Variants in RBMS1 observed in about 807,000 individuals in gnomAD.
RBMS1 encodes RNA binding motif single stranded interacting protein 1.
A neutral mutation model predicts 62.3 loss-of-function variants in RBMS1; 17 were observed. The observed-to-expected ratio is 0.27, with a 90% confidence interval of 0.19 to 0.41. RBMS1 has a LOEUF of 0.41. Among genes scored for constraint, RBMS1 ranks in the 10% least tolerant of loss-of-function variants. The probability of loss-of-function intolerance (pLI) is 1.00; values close to 1 mark genes in which losing one functional copy is unlikely to be tolerated. For synonymous variants in RBMS1, 172 were observed against 170.0 expected (o/e 1.01, Z -0.09); for missense variants, 334 against 504.5 (o/e 0.66, Z 3.24).
chr2:160,350,742 C>G (rs982214949), intron 2 of RBMS1, among the ~76,000 whole-genome samples: 1 of 152,134 alleles, frequency 6.6e-6, no homozygotes, highest in African/African-American at 2.4e-5. Flanking sequence ...TTTTCTTAAT[C>G]CAGTCTATCA....
At chr2:160,395,171 T>G (rs1014503941) in intron 1 of RBMS1, among the ~76,000 whole-genome samples, 5 of 152,226 alleles carry the variant, frequency 3.3e-5, no homozygotes, top group Non-Finnish European at 7.3e-5. Context: ...ACACTTTTAC[T>G]CTCCTGGACA....
chr2:160,469,794 G>A (rs1277063763), intron 1 of RBMS1, among the ~76,000 whole-genome samples: 1 of 152,148 alleles, frequency 6.6e-6, no homozygotes, highest in East Asian at 1.9e-4. Flanking sequence ...GTTGGAAAGA[G>A]GTTAACAGAT....
rs925937562 is a variant in RBMS1 at position 160,493,542 on chromosome 2, T to TTCCTCCTCCTCC, written c.-191_-180dup. ...AGACGTCCTCCTCCTCCTCCTCCTC[T>TTCCTCCTCCTCC]TCCTCCTCCTCCTCCTCCTCCTCCT... On this transcript the variant is annotated 5_prime_UTR_variant, in exon 1 of 14. Coordinates refer to ENST00000348849, the MANE Select transcript of RBMS1 (RefSeq NM_016836.4). The TTCCTCCTCCTCC allele has an allele frequency of 1.3e-4, 64 of 494,918 alleles. No homozygotes were observed. Among genetic ancestry groups the TTCCTCCTCCTCC allele is most frequent in the Middle Eastern group, 5.4e-4 (1 of 1,836 alleles). 30.7% of individuals were successfully genotyped at this position (494,918 alleles called of 1,614,324 possible). A position where few individuals can be genotyped will look rare whatever the true frequency, so the allele number is the denominator to read the frequency against.
chr2:160,458,566 G>C (rs367574030), intron 1 of RBMS1, among the ~76,000 whole-genome samples: 1 of 152,186 alleles, frequency 6.6e-6, no homozygotes, highest in Non-Finnish European at 1.5e-5. Context: ...GGAGGCCAAG[G>C]CGGGTGGATC....
intron 1 of RBMS1, among the ~76,000 whole-genome samples, chr2:160,449,355 T>C (rs1272523136): frequency 6.6e-6 from 1 of 152,238 alleles, no homozygotes; most frequent in Non-Finnish European, 1.5e-5. Context: ...GAATGGGCCA[T>C]GATGACGATG....
chr2:160,477,652 G>T (rs1685199382), intron 1 of RBMS1, among the ~76,000 whole-genome samples: 1 of 152,068 alleles, frequency 6.6e-6, no homozygotes, highest in African/African-American at 2.4e-5. Flanking sequence ...AAAGTTTGAT[G>T]AAAGGTACTA....
chr2:160,296,323 T>C (rs1351001995), intron 6 of RBMS1, among the ~76,000 whole-genome samples: 1 of 152,250 alleles, frequency 6.6e-6, no homozygotes, highest in Non-Finnish European at 1.5e-5. Context: ...AATTTGTGTA[T>C]GTAAGCAGTT....
chr2:160,485,378 C>T (rs889611528), intron 1 of RBMS1, among the ~76,000 whole-genome samples: 1 of 152,134 alleles, frequency 6.6e-6, no homozygotes, highest in Non-Finnish European at 1.5e-5. Context: ...AAGACGAGTT[C>T]CTGGAAATCT....
At chr2:160,308,260 T>C (rs1034586315) in intron 4 of RBMS1, among the ~76,000 whole-genome samples, 16 of 152,094 alleles carry the variant, frequency 1.1e-4, no homozygotes, top group African/African-American at 3.9e-4. Flanking sequence ...CCAGGTGTGG[T>C]AGTGCGTGCC....
chr2:160,481,211 C>T (rs1685355819), intron 1 of RBMS1, among the ~76,000 whole-genome samples: 1 of 151,356 alleles, frequency 6.6e-6, no homozygotes, highest in Non-Finnish European at 1.5e-5. Context: ...GGATCATTAA[C>T]AGCCATACTG....
At chr2:160,296,916 CTGAG>C (rs1172992470) in intron 6 of RBMS1, among the ~76,000 whole-genome samples, 1 of 152,144 alleles carries the variant, frequency 6.6e-6, no homozygotes, top group Non-Finnish European at 1.5e-5. Context: ...CTCTCCCAGC[CTGAG>C]TATTTGGGAT....
chr2:160,385,768 T>C (rs935135568), intron 1 of RBMS1, among the ~76,000 whole-genome samples: 10 of 152,158 alleles, frequency 6.6e-5, no homozygotes, highest in Admixed American at 6.5e-5. Flanking sequence ...CAAAAGATCA[T>C]CCCATCTACA....
At chr2:160,385,705 G>A (rs1694534267) in intron 1 of RBMS1, among the ~76,000 whole-genome samples, 1 of 152,210 alleles carries the variant, frequency 6.6e-6, no homozygotes, top group African/African-American at 2.4e-5. Context: ...CACGTGTTCT[G>A]TTCGGGGTGC....
rs578151815 is a variant in RBMS1, at chr2:160,289,900, T to C, written c.641-2816A>G. ...CCTAGGAAAGCAAATTACATCAAGA[T>C]TTAAGAAATTTTTAGGTATTTTAGG... On this transcript the variant is annotated intron_variant, in intron 6 of 13. Coordinates refer to ENST00000348849, the MANE Select transcript of RBMS1 (RefSeq NM_016836.4). Among the ~76,000 whole-genome samples, 23 of 151,270 alleles carry C rather than the reference T, an allele frequency of 1.5e-4. 1 individual carries two copies. The South Asian group carries it at 5.0e-3, about 33-fold the overall frequency.
intron 1 of RBMS1, among the ~76,000 whole-genome samples, chr2:160,464,734 C>A (rs1325832081): frequency 6.6e-6 from 1 of 152,144 alleles, no homozygotes; most frequent in East Asian, 1.9e-4. Flanking sequence ...TTCAATTGCC[C>A]ATTTACTTAT....
intron 1 of RBMS1, among the ~76,000 whole-genome samples, chr2:160,397,640 C>T (rs1245793770): frequency 1.3e-5 from 2 of 152,088 alleles, no homozygotes; most frequent in Non-Finnish European, 2.9e-5. Flanking sequence ...CTCTTTAAAC[C>T]CTTTGGAATG....
intron 2 of RBMS1, among the ~76,000 whole-genome samples, chr2:160,363,370 A>T (rs1273432795): frequency 3.9e-5 from 6 of 152,228 alleles, no homozygotes; most frequent in African/African-American, 1.2e-4. Context: ...CTGGCAATAC[A>T]TAAAAATTTA....
intron 2 of RBMS1, among the ~76,000 whole-genome samples, chr2:160,322,971 C>T (rs888280234): frequency 6.6e-6 from 1 of 152,064 alleles, no homozygotes. Context: ...GGAGGGTTCA[C>T]AGTAGTCATC....
intron 1 of RBMS1, among the ~76,000 whole-genome samples, chr2:160,389,524 C>T (rs1019928377): frequency 6.6e-6 from 1 of 151,690 alleles, no homozygotes; most frequent in African/African-American, 2.4e-5. Context: ...ATGGCAAAAC[C>T]CCATCTCTAC....
Sources: allele counts gnomAD v4.1 joint callset (sites outside exome capture counted in the v4.1 genomes callset), GRCh38; gene constraint gnomAD v4.1.1; transcripts MANE v1.5; gene names NCBI Gene and HGNC (gene_info 2026-07-23, HGNC 2026-07-21).